ZNF735: variants seen among roughly 807,000 people sequenced by gnomAD.
The protein encoded by ZNF735 is zinc finger protein 735.
ZNF735 carries 11 observed loss-of-function variants against 13.4 expected under a neutral mutation model. That is an observed-to-expected ratio of 0.82 (90% CI 0.52 to 1.36). The LOEUF (loss-of-function observed/expected upper bound fraction) is 1.36, where lower values mean the gene tolerates loss of function less well. Ranked by LOEUF, ZNF735 falls within the 40% of genes most tolerant of loss-of-function variation. ZNF735 has a pLI of 0.00. For synonymous variants in ZNF735, 171 were observed against 162.6 expected, an observed-to-expected ratio of 1.05 and a Z score of -0.39; for missense variants, 500 against 484.6, an observed-to-expected ratio of 1.03 and a Z score of -0.30.
chr7:64,207,944 G>A (rs1012315361), intron 1 of ZNF735, among the ~76,000 whole-genome samples: 11 of 151,564 alleles, frequency 7.3e-5, no homozygotes, highest in African/African-American at 1.7e-4. Flanking sequence ...CCGAGATCGC[G>A]CCATTGTACT....
chr7:64,209,970 G>T (rs1787336928), intron 1 of ZNF735, among the ~76,000 whole-genome samples: 1 of 151,978 alleles, frequency 6.6e-6, no homozygotes, highest in Non-Finnish European at 1.5e-5. Context: ...CATTTTGTAT[G>T]TTTTTTGTAT....
rs559800855 is a variant in ZNF735 at position 64,218,488 on chromosome 7, A to G, written c.263-826A>G. 1.2e-4 allele frequency among the ~76,000 whole-genome samples: 18 copies of G among 151,548 alleles called. No individual in the cohort carries two copies. In the South Asian group the frequency reaches 3.1e-3, roughly 26 times the overall value. ...TTAAATTATTTCAGTTTTCTTTTCT[A>G]TGTCCACAATTGTTTATTTTTATTA... is the stretch of plus-strand genomic sequence containing the variant. On this transcript the variant is annotated intron_variant, in intron 3 of 3. Transcript: ENST00000429565.
chr7:64,213,191 G>C, exon 2 of ZNF735: 1 of 1,609,932 alleles, frequency 6.2e-7, no homozygotes, highest in Non-Finnish European at 8.5e-7. Context: ...TGTGATGTTA[G>C]AGAACTACAG....
At chr7:64,212,035 A>C (rs1019544376) in intron 1 of ZNF735, among the ~76,000 whole-genome samples, 3 of 152,122 alleles carry the variant, frequency 2.0e-5, no homozygotes, top group African/African-American at 7.2e-5. Context: ...TAACAATTTT[A>C]TTCACTTGGT....
chr7:64,216,624 C>T (rs1279527458), intron 3 of ZNF735, among the ~76,000 whole-genome samples: 3 of 148,694 alleles, frequency 2.0e-5, no homozygotes, highest in African/African-American at 5.0e-5. Flanking sequence ...TTTTTTTTGA[C>T]ACAGGGTTTC....
At chr7:64,219,104 A>C (rs968081008) in intron 3 of ZNF735, among the ~76,000 whole-genome samples, 2 of 152,328 alleles carry the variant, frequency 1.3e-5, no homozygotes, top group African/African-American at 4.8e-5. Flanking sequence ...CACATGGTGC[A>C]CACACTTACT....
chr7:64,209,802 T>C (rs1220328717), intron 1 of ZNF735, among the ~76,000 whole-genome samples: 1 of 152,216 alleles, frequency 6.6e-6, no homozygotes, highest in Non-Finnish European at 1.5e-5. Flanking sequence ...TTTAGTGATA[T>C]ACATTTTGTT....
chr7:64,220,053 T>C, exon 4 of ZNF735: 1 of 1,612,636 alleles, frequency 6.2e-7, no homozygotes, highest in Non-Finnish European at 8.5e-7. Context: ...GCAAAGCCTT[T>C]AACTGCTCCT....
Position 64,207,377 on chromosome 7 carries a change from G to A in ZNF735, c.39+136G>A, listed in dbSNP as rs1315891173. 4.5e-6 allele frequency: 7 copies of A among 1,543,722 alleles called. No homozygotes were observed. The African/African-American group carries it at 9.6e-5, about 21-fold the overall frequency. ...ACCCAAATCCTCCTTGGCCCAGTTCGGCTGTTAGCCCCCTCCAGCCCTAAG... is the reference window on the plus strand; with the variant it reads ...ACCCAAATCCTCCTTGGCCCAGTTCAGCTGTTAGCCCCCTCCAGCCCTAAG... On this transcript the variant is annotated intron_variant, in intron 1 of 3. Transcript: ENST00000429565.
intron 3 of ZNF735, among the ~76,000 whole-genome samples, chr7:64,217,416 T>C (rs989831424): frequency 6.6e-6 from 1 of 152,216 alleles, no homozygotes; most frequent in African/African-American, 2.4e-5. Context: ...GGTTGTTTTC[T>C]ATAGCATTGC....
intron 3 of ZNF735, among the ~76,000 whole-genome samples, chr7:64,214,987 G>A (rs147089700): frequency 0.015 from 2,328 of 150,958 alleles, 63 homozygotes; most frequent in African/African-American, 0.054. Context: ...TTAATTTTGT[G>A]CAACCTTTCA....
chr7:64,219,254 G>T, intron 3 of ZNF735, 60 bp from the exon 4 acceptor site: 2 of 1,562,964 alleles, frequency 1.3e-6, no homozygotes, highest in Non-Finnish European at 1.7e-6. Context: ...TATTTGATTT[G>T]TACAGTATAT....
chr7:64,220,160 C>CAT lies in ZNF735; in HGVS notation c.1110_1111insTA (p.His371TyrfsTer32). 6.2e-7 allele frequency: 1 copy of CAT among 1,612,656 alleles called. No homozygotes were observed. Among genetic ancestry groups the CAT allele is most frequent in the South Asian group, 1.1e-5 (1 of 91,002 alleles). On this transcript the variant is annotated frameshift_variant, in exon 4 of 4. Transcript: ENST00000429565. LOFTEE classifies it low-confidence loss of function (END_TRUNC). Reference sequence around the variant, plus strand: ...TTTAACTGCTCCTCAACTGTAAAGGCACATAAGAGAATTCATACTGGAGAG... The same window carrying CAT: ...TTTAACTGCTCCTCAACTGTAAAGGCATACATAAGAGAATTCATACTGGAGAG...
Position 64,219,644 on chromosome 7 carries a change from C to G in ZNF735, c.593C>G (p.Ser198Ter). 6.3e-7 allele frequency: 1 copy of G among 1,581,070 alleles called. No individual in the cohort carries two copies. The change falls in exon 4 of 4, where the codon TCA becomes TGA. Residue 198 changes from serine (S) to a stop codon, truncating the protein, a stop_gained. Coordinates refer to ENST00000429565, the Ensembl canonical transcript of ZNF735. LOFTEE classifies it low-confidence loss of function (END_TRUNC). ...TATGGCAAATCATTTTGCATGTTTT[C>G]ACACCTAAATCAACATCAGATAATT...
intron 3 of ZNF735, among the ~76,000 whole-genome samples, chr7:64,215,150 C>T (rs1463434464): frequency 6.6e-6 from 1 of 151,864 alleles, no homozygotes; most frequent in Non-Finnish European, 1.5e-5. Context: ...CAACCTCTGC[C>T]TCCCAGATTC....
intron 2 of ZNF735, among the ~76,000 whole-genome samples, chr7:64,213,632 G>A (rs1452958712): frequency 2.0e-5 from 3 of 152,054 alleles, no homozygotes; most frequent in Non-Finnish European, 4.4e-5. Context: ...CCTTTTTACT[G>A]AGCATAATAC....
chr7:64,216,864 C>T (rs1787427623), intron 3 of ZNF735, among the ~76,000 whole-genome samples: 1 of 152,140 alleles, frequency 6.6e-6, no homozygotes, highest in Admixed American at 6.5e-5. Context: ...CCTTTGCCTC[C>T]CAAAGTACTG....
exon 3 of ZNF735, chr7:64,214,052 A>G (rs969447827): frequency 2.7e-5 from 44 of 1,600,444 alleles, no homozygotes; most frequent in Non-Finnish European, 3.1e-5. Flanking sequence ...GCCTGTCTGG[A>G]GCAAAATAAA....
At chr7:64,209,407 C>A (rs1168429575) in intron 1 of ZNF735, among the ~76,000 whole-genome samples, 2 of 150,402 alleles carry the variant, frequency 1.3e-5, no homozygotes, top group Non-Finnish European at 2.9e-5. Flanking sequence ...AGTGCAGTGG[C>A]GTGATCTCGG....
Sources: allele counts gnomAD v4.1 joint callset (sites outside exome capture counted in the v4.1 genomes callset), GRCh38; gene constraint gnomAD v4.1.1; transcripts MANE v1.5; gene names NCBI Gene and HGNC (gene_info 2026-07-23, HGNC 2026-07-21).